EYA4: variants seen among roughly 807,000 people sequenced by gnomAD.
EYA4 encodes the protein EYA transcriptional coactivator and phosphatase 4.
In EYA4, 31 loss-of-function variants were observed where a neutral mutation model predicts 87.9. That is an observed-to-expected ratio of 0.35 (90% CI 0.27 to 0.48). The LOEUF (loss-of-function observed/expected upper bound fraction) is 0.48. Among genes scored for constraint, EYA4 ranks in the 20% least tolerant of loss-of-function variants. EYA4 has a pLI of 0.99. For synonymous variants in EYA4, 263 were observed against 270.6 expected (o/e 0.97, Z 0.28); for missense variants, 678 against 761.4 (o/e 0.89, Z 1.29).
rs1583341509 is a variant in EYA4, at chr6:133,461,141, G to A, written c.398G>A (p.Arg133Lys). The change falls in exon 7 of 20, where the codon AGA becomes AAA. Residue 133 changes from arginine (R) to lysine (K), a missense_variant. Physicochemically the swap from Arg to Lys is conservative, Grantham distance 26. Coordinates refer to ENST00000355286, the MANE Select transcript of EYA4 (RefSeq NM_004100.5). ...ATTACAAGTAGTGGCTACAGCCCCA[G>A]ATCAGCACATCAGTATTCCCCACAG... ...SVITSSGYSP[R>K]SAHQYSPQLY... 2 of 1,613,346 alleles carry A rather than the reference G, an allele frequency of 1.2e-6. No homozygotes were observed. Among genetic ancestry groups the A allele is most frequent in the Non-Finnish European group, 8.5e-7 (1 of 1,179,392 alleles).
intron 17 of EYA4, among the ~76,000 whole-genome samples, chr6:133,521,624 C>T (rs1800148858): frequency 1.2e-5 from 1 of 80,076 alleles, no homozygotes; most frequent in Non-Finnish European, 2.4e-5. Flanking sequence ...GGTATATACC[C>T]AAAGGACTAT....
intron 6 of EYA4, among the ~76,000 whole-genome samples, chr6:133,459,956 A>G (rs113476079): frequency 0.023 from 3,474 of 152,198 alleles, 127 homozygotes; most frequent in African/African-American, 0.079. Flanking sequence ...CAGAGCTTAT[A>G]GGCAAAATAG....
intron 3 of EYA4, among the ~76,000 whole-genome samples, chr6:133,445,872 G>A (rs111400024): frequency 2.6e-5 from 4 of 152,188 alleles, no homozygotes; most frequent in African/African-American, 9.7e-5. Flanking sequence ...GAGCCACCGC[G>A]CCCGGCCTCT....
chr6:133,467,257 C>T lies in EYA4; in HGVS notation c.805-1309C>T, dbSNP rs185158500. Among the ~76,000 whole-genome samples the T allele has an allele frequency of 2.0e-5, 3 of 152,222 alleles. No individual in the cohort carries two copies. The East Asian group carries it at 5.8e-4, about 29-fold the overall frequency. ...TCAGCACAGATGTTTGACTTAGGCA[C>T]TCTGGGTTTAAATTCTAGCTCTGAA... On this transcript the variant is annotated intron_variant, in intron 10 of 19. Coordinates refer to ENST00000355286, the MANE Select transcript of EYA4 (RefSeq NM_004100.5).
At chr6:133,243,186 A>G (rs568127229) in intron 1 of EYA4, among the ~76,000 whole-genome samples, 5 of 151,894 alleles carry the variant, frequency 3.3e-5, no homozygotes, top group African/African-American at 1.2e-4. Flanking sequence ...GTTGGCCATT[A>G]GTTTGCTTTC....
At chr6:133,263,218 G>T (rs1162291191) in intron 1 of EYA4, among the ~76,000 whole-genome samples, 5 of 152,146 alleles carry the variant, frequency 3.3e-5, no homozygotes, top group African/African-American at 1.2e-4. Context: ...TAAACTGTTA[G>T]ACTTCCTATA....
intron 5 of EYA4, among the ~76,000 whole-genome samples, chr6:133,454,574 A>G (rs529139532): frequency 6.6e-6 from 1 of 152,118 alleles, no homozygotes; most frequent in Non-Finnish European, 1.5e-5. Context: ...AAAGATGATG[A>G]TATTATCTAC....
chr6:133,473,024 G>A (rs1464448397), intron 11 of EYA4, among the ~76,000 whole-genome samples: 1 of 151,958 alleles, frequency 6.6e-6, no homozygotes, highest in Non-Finnish European at 1.5e-5. Flanking sequence ...ACTGATACAG[G>A]AATTATATAA....
chr6:133,397,059 A>G (rs1019814327), intron 3 of EYA4, among the ~76,000 whole-genome samples: 13 of 152,238 alleles, frequency 8.5e-5, no homozygotes, highest in African/African-American at 2.4e-4. Flanking sequence ...CAGACTTTTA[A>G]TGGCCCAGAA....
At chr6:133,526,426 T>C (rs981420465) in intron 19 of EYA4, among the ~76,000 whole-genome samples, 6 of 146,946 alleles carry the variant, frequency 4.1e-5, no homozygotes, top group African/African-American at 1.5e-4. Context: ...TAGAAAAGTT[T>C]ATGGCTATAA....
intron 2 of EYA4, among the ~76,000 whole-genome samples, chr6:133,372,676 A>G (rs2128465736): frequency 6.6e-6 from 1 of 151,876 alleles, no homozygotes; most frequent in East Asian, 1.9e-4. Context: ...TGGAAGATCA[A>G]GAAGATAAAA....
intron 2 of EYA4, among the ~76,000 whole-genome samples, chr6:133,322,751 T>G (rs79780990): frequency 1.3e-5 from 2 of 152,140 alleles, no homozygotes; most frequent in East Asian, 3.9e-4. Context: ...ATCTTGTAAA[T>G]AAGCATATAT....
At chr6:133,268,999 G>C (rs566722074) in intron 1 of EYA4, among the ~76,000 whole-genome samples, 3 of 152,190 alleles carry the variant, frequency 2.0e-5, no homozygotes, top group African/African-American at 7.2e-5. Context: ...TGGCTCATGC[G>C]TGTAATCCCA....
At chr6:133,318,886 G>T (rs377108916) in intron 2 of EYA4, among the ~76,000 whole-genome samples, 12 of 152,002 alleles carry the variant, frequency 7.9e-5, no homozygotes, top group African/African-American at 2.2e-4. Flanking sequence ...TTTTACGCAC[G>T]CACTATATTA....
At position 133,529,406 on chromosome 6, in the gene EYA4, A is replaced by G; in HGVS notation, c.*601A>G. The G allele has an allele frequency of 1.0e-6, 1 of 991,442 alleles. No individual in the cohort carries two copies. The highest frequency in any genetic ancestry group is 1.2e-6 in the Non-Finnish European group (1 of 833,114). The allele number at this position is 991,442 out of a possible 1,614,324, so 61.4% of individuals were successfully genotyped here. Reference sequence around the variant, plus strand: ...ATGGGAGGGGAAATGGGAATATAATATTGTCTCTTTTTTAAGTTTGGCAAA... The same window carrying G: ...ATGGGAGGGGAAATGGGAATATAATGTTGTCTCTTTTTTAAGTTTGGCAAA... On this transcript the variant is annotated 3_prime_UTR_variant, in exon 20 of 20. Coordinates refer to ENST00000355286, the MANE Select transcript of EYA4 (RefSeq NM_004100.5).
At chr6:133,419,786 A>G (rs1790061599) in intron 3 of EYA4, among the ~76,000 whole-genome samples, 1 of 152,176 alleles carries the variant, frequency 6.6e-6, no homozygotes, top group African/African-American at 2.4e-5. Flanking sequence ...AATAGGTGCA[A>G]TCTCATTAAG....
chr6:133,309,092 C>G (rs1780024398), intron 2 of EYA4, among the ~76,000 whole-genome samples: 1 of 151,850 alleles, frequency 6.6e-6, no homozygotes, highest in African/African-American at 2.4e-5. Context: ...ATAACAAACA[C>G]AGAAAAGCAC....
chr6:133,481,526 G>C lies in EYA4; in HGVS notation c.1034G>C (p.Arg345Thr). Residue 345 changes from arginine (R) to threonine (T), a missense_variant, in exon 12 of 20, where the codon AGG becomes ACG. Coordinates refer to ENST00000355286, the MANE Select transcript of EYA4 (RefSeq NM_004100.5). ...PIKDLDERTCRSSGSKSRGRG... is the reference protein window; with the variant it reads ...PIKDLDERTCTSSGSKSRGRG... ...AAAGATCTTGATGAGAGAACCTGTA[G>C]GAGTTCTGGGTCAAAGTCCAGAGGA... The C allele has an allele frequency of 1.9e-6, 3 of 1,613,936 alleles. No homozygotes were observed. Among genetic ancestry groups the C allele is most frequent in the Non-Finnish European group, 2.5e-6 (3 of 1,179,854 alleles).
intron 3 of EYA4, among the ~76,000 whole-genome samples, chr6:133,432,564 T>C (rs1322617199): frequency 6.6e-6 from 1 of 151,952 alleles, no homozygotes; most frequent in Non-Finnish European, 1.5e-5. Context: ...CCCTGACATC[T>C]CCTGACACTG....
Sources: allele counts gnomAD v4.1 joint callset (sites outside exome capture counted in the v4.1 genomes callset), GRCh38; gene constraint gnomAD v4.1.1; transcripts MANE v1.5; gene names NCBI Gene and HGNC (gene_info 2026-07-23, HGNC 2026-07-21).